Variants in SLC35F3 observed in about 807,000 individuals in gnomAD.
The protein encoded by SLC35F3 is putative thiamine transporter SLC35F3.
SLC35F3 carries 25 observed loss-of-function variants against 49.9 expected under a neutral mutation model. That is an observed-to-expected ratio of 0.50 (90% CI 0.37 to 0.70). The LOEUF is 0.70. Among genes scored for constraint, SLC35F3 ranks in the 30% least tolerant of loss-of-function variants. The pLI, the probability that SLC35F3 is intolerant of heterozygous loss-of-function variation, is 0.00. For synonymous variants in SLC35F3, 275 were observed against 265.4 expected, an observed-to-expected ratio of 1.04 and a Z score of -0.35; for missense variants, 525 against 639.8, an observed-to-expected ratio of 0.82 and a Z score of 1.94.
chr1:234,031,576 ACT>A (rs1283289965), intron 2 of SLC35F3, among the ~76,000 whole-genome samples: 3 of 152,004 alleles, frequency 2.0e-5, no homozygotes, highest in Non-Finnish European at 4.4e-5. Context: ...ACAAGGCCTC[ACT>A]CTGTCACCCA....
chr1:233,978,757 C>T lies in SLC35F3; in HGVS notation c.283+72999C>T, dbSNP rs115291067. On this transcript the variant is annotated intron_variant, in intron 2 of 7. Transcript: ENST00000366618. ...GTTAAGGATTAAATGAAGTCAGGTGCGGTGGCTCACGCCTGTAATCCCAGC... is the reference window on the plus strand; with the variant it reads ...GTTAAGGATTAAATGAAGTCAGGTGTGGTGGCTCACGCCTGTAATCCCAGC... 9.4e-3 allele frequency among the ~76,000 whole-genome samples: 1,370 copies of T among 146,064 alleles called. 13 individuals carry two copies. The highest frequency in any genetic ancestry group is 0.027 in the African/African-American group (1,135 of 41,326).
In SLC35F3 at chr1:234,266,319, GA is replaced by G. The variant is rs546720287; in HGVS notation, c.608+34587del. ...AAAGACACAAATGGCCAACAAACAT[GA>G]AAAAAAAATGCTCCACTTATTTAGT... On this transcript the variant is annotated intron_variant, in intron 3 of 7. Transcript: ENST00000366618. 1.1e-4 allele frequency among the ~76,000 whole-genome samples: 17 copies of G among 150,326 alleles called. No homozygotes were observed. The East Asian group carries it at 1.7e-3, about 15-fold the overall frequency.
At chr1:234,279,389 G>A (rs967190211) in intron 3 of SLC35F3, among the ~76,000 whole-genome samples, 3 of 151,888 alleles carry the variant, frequency 2.0e-5, no homozygotes, top group Non-Finnish European at 2.9e-5. Context: ...CCCTTTCACA[G>A]GGGGCACACA....
Position 234,231,818 on chromosome 1 carries a change from G to A in SLC35F3, c.608+77G>A, listed in dbSNP as rs74147417. On this transcript the variant is annotated intron_variant, in intron 3 of 7. Coordinates refer to ENST00000366618, the MANE Select transcript of SLC35F3 (RefSeq NM_173508.4). The surrounding 1 kb of genome is among the most constrained non-coding windows in gnomAD (Gnocchi z 5.4). ...GCGCTGACTCTGCAGAGCTGCCCCT[G>A]GTGGCAGGCGCTGGGATGAGCCGGT... is the stretch of plus-strand genomic sequence containing the variant. 3.0e-3 allele frequency: 4,124 copies of A among 1,396,894 alleles called. 82 individuals carry two copies. The African/African-American group carries it at 0.05, about 17-fold the overall frequency. 86.5% of individuals were successfully genotyped at this position (1,396,894 alleles called of 1,614,324 possible).
chr1:233,979,203 T>C (rs1357814993), intron 2 of SLC35F3, among the ~76,000 whole-genome samples: 1 of 152,218 alleles, frequency 6.6e-6, no homozygotes, highest in East Asian at 1.9e-4. Flanking sequence ...CTTTCTGTGC[T>C]TCAGGAAGGT....
intron 2 of SLC35F3, among the ~76,000 whole-genome samples, chr1:234,082,354 A>G (rs1054614779): frequency 6.6e-6 from 1 of 152,184 alleles, no homozygotes; most frequent in African/African-American, 2.4e-5. Context: ...GATTTCACAA[A>G]TTCAATTCGC....
In SLC35F3 at chr1:234,241,735, CAAA is replaced by C. The variant is rs34326038; in HGVS notation, c.608+10013_608+10015del. Reference sequence around the variant, plus strand: ...GGGCAACAAGAGTGACACTCTGTCTCAAAAAAAAAAAAAAAAAAAAATGGAGAC... The same window carrying C: ...GGGCAACAAGAGTGACACTCTGTCTCAAAAAAAAAAAAAAAAAATGGAGAC... On this transcript the variant is annotated intron_variant, in intron 3 of 7. Transcript: ENST00000366618. Among the ~76,000 whole-genome samples, 415 of 89,908 alleles carry C rather than the reference CAAA, an allele frequency of 4.6e-3. 4 individuals are homozygous for C. The highest frequency in any genetic ancestry group is 9.1e-3 in the Admixed American group (75 of 8,216). The allele number at this position is 89,908 out of a possible 152,430, so 59.0% of individuals were successfully genotyped here. A position where few individuals can be genotyped will look rare whatever the true frequency, so the allele number is the denominator to read the frequency against.
intron 2 of SLC35F3, among the ~76,000 whole-genome samples, chr1:233,955,440 G>C (rs1305004539): frequency 2.0e-5 from 3 of 152,164 alleles, no homozygotes; most frequent in Non-Finnish European, 4.4e-5. Context: ...GGGACTAGTA[G>C]TCAACCTTGA....
At chr1:234,019,968 A>C (rs980926868) in intron 2 of SLC35F3, among the ~76,000 whole-genome samples, 3 of 152,212 alleles carry the variant, frequency 2.0e-5, no homozygotes, top group Admixed American at 2.0e-4. Context: ...GGGCAAGTTG[A>C]GTTGCAATGT....
intron 2 of SLC35F3, among the ~76,000 whole-genome samples, chr1:234,175,699 A>T (rs1013346724): frequency 6.6e-6 from 1 of 151,506 alleles, no homozygotes; most frequent in African/African-American, 2.4e-5. Context: ...GAGTCTAGAT[A>T]AACCAATGGG....
chr1:234,106,997 A>G (rs1665294078), intron 2 of SLC35F3, among the ~76,000 whole-genome samples: 2 of 152,226 alleles, frequency 1.3e-5, no homozygotes. Context: ...TATTAACACA[A>G]TAATGTTATG....
intron 2 of SLC35F3, among the ~76,000 whole-genome samples, chr1:234,180,224 A>T (rs192552236): frequency 3.4e-4 from 52 of 152,278 alleles, no homozygotes; most frequent in Admixed American, 5.9e-4. Context: ...TTTCAAAAGG[A>T]TGTGGCTAAT....
intron 2 of SLC35F3, among the ~76,000 whole-genome samples, chr1:234,104,612 G>A (rs1017008987): frequency 2.6e-5 from 4 of 152,138 alleles, no homozygotes; most frequent in Admixed American, 2.0e-4. Flanking sequence ...AGGTAAAATG[G>A]TCCAAGAAAA....
At position 234,286,762 on chromosome 1, in the gene SLC35F3, A is replaced by G. The variant is rs116180277; in HGVS notation, c.609-22339A>G. Among the ~76,000 whole-genome samples the G allele has an allele frequency of 4.5e-3, 681 of 152,362 alleles. 2 individuals carry two copies. Among genetic ancestry groups the G allele is most frequent in the African/African-American group, 0.016 (662 of 41,580 alleles). ...ATTAGGAACAATATGTAAAAGTTAT[A>G]TGGAGCTAGAAAATAAAACAGGATA... On this transcript the variant is annotated intron_variant, in intron 3 of 7. Coordinates refer to ENST00000366618, the MANE Select transcript of SLC35F3 (RefSeq NM_173508.4).
intron 4 of SLC35F3, among the ~76,000 whole-genome samples, chr1:234,310,364 G>A (rs1351002843): frequency 6.6e-6 from 1 of 152,094 alleles, no homozygotes; most frequent in Non-Finnish European, 1.5e-5. Flanking sequence ...TCACCCTAAT[G>A]GTGCATTCAC....
At chr1:234,288,499 T>C (rs1278249976) in intron 3 of SLC35F3, among the ~76,000 whole-genome samples, 1 of 152,214 alleles carries the variant, frequency 6.6e-6, no homozygotes, top group Non-Finnish European at 1.5e-5. Flanking sequence ...GAAGGATGTT[T>C]TTAGTCTATG....
chr1:234,011,643 G>A (rs1471845080), intron 2 of SLC35F3, among the ~76,000 whole-genome samples: 3 of 152,180 alleles, frequency 2.0e-5, no homozygotes, highest in African/African-American at 7.2e-5. Context: ...GGGAGGAAGT[G>A]AGAGCACTTG....
Position 233,957,787 on chromosome 1 carries a change from C to T in SLC35F3, c.283+52029C>T, listed in dbSNP as rs1292705619. 6.6e-6 allele frequency among the ~76,000 whole-genome samples: 1 copy of T among 151,986 alleles called. No individual in the cohort carries two copies. The highest frequency in any genetic ancestry group is 1.5e-5 in the Non-Finnish European group (1 of 68,016). On this transcript the variant is annotated intron_variant, in intron 2 of 7. Transcript: ENST00000366618. This position sits in a 1 kb window ranked among gnomAD's most constrained non-coding sequence, Gnocchi z 4.0. ...CCGAGACTGCATGATTGCACTCCAC[C>T]TAGGGCGACAAAAGCGAAACTCCAT...
At chr1:233,939,120 T>C (rs1662381455) in intron 2 of SLC35F3, among the ~76,000 whole-genome samples, 1 of 152,154 alleles carries the variant, frequency 6.6e-6, no homozygotes, top group South Asian at 2.1e-4. Flanking sequence ...AATAAATAAA[T>C]ACCACTTCTT....
Sources: gnomAD v4.1 joint callset for allele counts (sites outside exome capture counted in the v4.1 genomes callset) on GRCh38, gnomAD v4.1.1 for gene constraint, Gnocchi (gnomAD v3.1) non-coding constraint, MANE v1.5 for transcripts, NCBI Gene and HGNC (gene_info 2026-07-23, HGNC 2026-07-21) for gene names.